CD226: variants seen among roughly 807,000 people sequenced by gnomAD.
CD226 encodes CD226 antigen.
In CD226, 24 loss-of-function variants were observed where a neutral mutation model predicts 34.9. The ratio of observed to expected loss-of-function variants is 0.69; its 90% CI spans 0.50 to 0.97. The LOEUF is 0.97. CD226 is among the 50% of genes least tolerant of loss of function. The pLI, the probability that CD226 is intolerant of heterozygous loss-of-function variation, is 0.00. For missense variants in CD226, 397 were observed against 412.7 expected (o/e 0.96, Z 0.33); for synonymous variants, 148 against 147.4 (o/e 1.00, Z -0.03).
At chr18:69,921,392 G>C (rs2055449112) in intron 2 of CD226, among the ~76,000 whole-genome samples, 1 of 152,112 alleles carries the variant, frequency 6.6e-6, no homozygotes, top group African/African-American at 2.4e-5. Flanking sequence ...CCAGCTTTGG[G>C]GGCGCAGTTT....
At chr18:69,931,929 G>A (rs2055594334) in intron 2 of CD226, among the ~76,000 whole-genome samples, 1 of 152,018 alleles carries the variant, frequency 6.6e-6, no homozygotes, top group Admixed American at 6.6e-5. Context: ...AATTCTGCAG[G>A]CTAGAAACCC....
chr18:69,892,337 G>A (rs867059243), intron 3 of CD226, among the ~76,000 whole-genome samples: 22 of 152,072 alleles, frequency 1.4e-4, no homozygotes, highest in African/African-American at 4.6e-4. Context: ...TTATTTTAGT[G>A]GCACCTAAAA....
chr18:69,934,913 G>A (rs1247771134), intron 2 of CD226, among the ~76,000 whole-genome samples: 2 of 152,280 alleles, frequency 1.3e-5, no homozygotes, highest in Admixed American at 1.3e-4. Context: ...AATCTTAAAT[G>A]TCTTCAGAAA....
At chr18:69,948,803 T>G (rs1177489728), upstream of CD226, among the ~76,000 whole-genome samples, 3 of 152,208 alleles carry the variant, frequency 2.0e-5, no homozygotes, top group African/African-American at 7.2e-5. Flanking sequence ...GGTCCTCTGC[T>G]TAGTCCCTTG....
chr18:69,928,006 G>T (rs933769269), intron 2 of CD226, among the ~76,000 whole-genome samples: 3 of 152,138 alleles, frequency 2.0e-5, no homozygotes, highest in African/African-American at 7.2e-5. Flanking sequence ...ACAAACTAGT[G>T]GGTGAAATAC....
In CD226 at chr18:69,917,123, T is replaced by G. The variant is rs560318610; in HGVS notation, c.383-21078A>C. Among the ~76,000 whole-genome samples the G allele has an allele frequency of 2.0e-5, 3 of 152,320 alleles. No homozygotes were observed. The East Asian group carries it at 5.8e-4, about 29-fold the overall frequency. On this transcript the variant is annotated intron_variant, in intron 2 of 5. Coordinates refer to ENST00000582621, the MANE Select transcript of CD226 (RefSeq NM_001303618.2). ...CCTTGTCATAATTCTCTATATACAT[T>G]ACATAGTACAGCCAGAGTAATCTTT...
chr18:69,881,379 A>T (rs888992851), intron 3 of CD226, among the ~76,000 whole-genome samples: 1 of 152,208 alleles, frequency 6.6e-6, no homozygotes, highest in Non-Finnish European at 1.5e-5. Flanking sequence ...TGGTTTATTG[A>T]AAACAGAGAC....
At chr18:69,907,135 T>A (rs962894026) in intron 2 of CD226, among the ~76,000 whole-genome samples, 1 of 152,196 alleles carries the variant, frequency 6.6e-6, no homozygotes, top group African/African-American at 2.4e-5. Flanking sequence ...CCAATCCAGA[T>A]CCCCTGATGG....
At chr18:69,941,066 C>T (rs183079147) in intron 2 of CD226, among the ~76,000 whole-genome samples, 5 of 152,356 alleles carry the variant, frequency 3.3e-5, no homozygotes, top group Admixed American at 1.3e-4. Context: ...ACAGCTTACA[C>T]GTGGTGTTGG....
chr18:69,857,759 C>T lies in CD226; in HGVS notation c.*6555G>A, dbSNP rs1368244115. 1 of 152,150 alleles carries T rather than the reference C, an allele frequency of 6.6e-6. No individual in the cohort carries two copies. Among genetic ancestry groups the T allele is most frequent in the African/African-American group, 2.4e-5 (1 of 41,454 alleles). The allele number at this position is 152,150 out of a possible 1,614,324, so 9.4% of individuals were successfully genotyped here. Reference sequence around the variant, plus strand: ...TCATGAGAACTTAGTCTAGAAAGGGCCTCCACTTATTTGACCACAGGTAGA... The same window carrying T: ...TCATGAGAACTTAGTCTAGAAAGGGTCTCCACTTATTTGACCACAGGTAGA... On this transcript the variant is annotated 3_prime_UTR_variant, in exon 6 of 6. Coordinates refer to ENST00000582621, the MANE Select transcript of CD226 (RefSeq NM_001303618.2).
At chr18:69,918,091 A>G (rs1365142246) in intron 2 of CD226, among the ~76,000 whole-genome samples, 5 of 152,204 alleles carry the variant, frequency 3.3e-5, no homozygotes, top group African/African-American at 7.2e-5. Flanking sequence ...GTTCATCTCA[A>G]TTAAACAAAT....
At chr18:69,937,590 A>G (rs2055670977) in intron 2 of CD226, among the ~76,000 whole-genome samples, 1 of 152,144 alleles carries the variant, frequency 6.6e-6, no homozygotes, top group African/African-American at 2.4e-5. Flanking sequence ...ATGTCTTTCT[A>G]TCTTCCAAAC....
chr18:69,929,390 C>T (rs2055562387), intron 2 of CD226, among the ~76,000 whole-genome samples: 1 of 152,066 alleles, frequency 6.6e-6, no homozygotes, highest in Admixed American at 6.5e-5. Context: ...GTGCTAGGTC[C>T]TTTTTCTCCC....
At chr18:69,913,074 T>G (rs1337454188) in intron 2 of CD226, among the ~76,000 whole-genome samples, 1 of 152,172 alleles carries the variant, frequency 6.6e-6, no homozygotes, top group Non-Finnish European at 1.5e-5. Flanking sequence ...AGATCACTTC[T>G]GATGGGCAGA....
chr18:69,953,596 T>C (rs562259623), intron 1 of CD226, among the ~76,000 whole-genome samples: 1 of 152,312 alleles, frequency 6.6e-6, no homozygotes, highest in East Asian at 1.9e-4. Flanking sequence ...AGTGACTGTT[T>C]AAGGTATGGG....
At chr18:69,883,235 T>C (rs1343024563) in intron 3 of CD226, among the ~76,000 whole-genome samples, 3 of 152,182 alleles carry the variant, frequency 2.0e-5, no homozygotes, top group Non-Finnish European at 4.4e-5. Context: ...CTTCCTGTCA[T>C]AACAGAAGTT....
At chr18:69,928,092 A>G (rs2055545380) in intron 2 of CD226, among the ~76,000 whole-genome samples, 4 of 152,246 alleles carry the variant, frequency 2.6e-5, no homozygotes, top group Admixed American at 2.6e-4. Context: ...AGACAAATTC[A>G]TATCCAAATA....
At chr18:69,882,993 C>CAAA in intron 3 of CD226, among the ~76,000 whole-genome samples, 1 of 152,194 alleles carries the variant, frequency 6.6e-6, no homozygotes, top group Non-Finnish European at 1.5e-5. Flanking sequence ...GGACACTTGA[C>CAAA]TCTGAGTCAA....
Position 69,858,318 on chromosome 18 carries a change from G to A in CD226, c.*5996C>T, listed in dbSNP as rs1198110364. ...TTAAGAAAACTATCATCTGGTCGAG[G>A]AGGGACATTTGTCAGTTGAAGTTCT... On this transcript the variant is annotated 3_prime_UTR_variant, in exon 6 of 6. Transcript: ENST00000582621. 2.0e-5 allele frequency: 3 copies of A among 152,280 alleles called. No individual in the cohort carries two copies. Among genetic ancestry groups the A allele is most frequent in the East Asian group, 3.9e-4 (2 of 5,182 alleles). 9.4% of individuals were successfully genotyped at this position (152,280 alleles called of 1,614,324 possible). A position where few individuals can be genotyped will look rare whatever the true frequency, so the allele number is the denominator to read the frequency against.
Sources: gnomAD v4.1 joint callset for allele counts (sites outside exome capture counted in the v4.1 genomes callset) on GRCh38, gnomAD v4.1.1 for gene constraint, MANE v1.5 for transcripts, NCBI Gene and HGNC (gene_info 2026-07-23, HGNC 2026-07-21) for gene names.